Variants in LRIG1 observed in about 807,000 individuals in gnomAD.
LRIG1 encodes the protein leucine-rich repeats and immunoglobulin-like domains protein 1.
In LRIG1, 48 loss-of-function variants were observed where a neutral mutation model predicts 99.2. The observed-to-expected ratio is 0.48, with a 90% CI of 0.38 to 0.62. The LOEUF is 0.62. Ranked by LOEUF, LRIG1 falls within the 20% of genes least tolerant of loss-of-function variation. The probability of loss-of-function intolerance (pLI) is 0.00; values close to 1 mark genes in which losing one functional copy is unlikely to be tolerated. For missense variants in LRIG1, 1,646 were observed against 1,434.4 expected (o/e 1.15, Z -2.38); for synonymous variants, 772 against 596.1 (o/e 1.29, Z -4.30).
rs115581666 is a variant in LRIG1 at position 66,448,382 on chromosome 3, T to C, written c.365+3177A>G. ...GCCAACTTCCAGAGGCAAAAGTCCA[T>C]AATTATAGGTGTCCAAGCTGAAAAT... is the stretch of plus-strand genomic sequence containing the variant. On this transcript the variant is annotated intron_variant, in intron 3 of 18. Transcript: ENST00000273261. 3.2e-3 allele frequency among the ~76,000 whole-genome samples: 480 copies of C among 152,240 alleles called. 2 individuals carry two copies. The highest frequency in any genetic ancestry group is 0.01 in the African/African-American group (430 of 41,546).
In LRIG1 at chr3:66,414,999, G is replaced by A; in HGVS notation, c.568C>T (p.Leu190=). The A allele has an allele frequency of 6.2e-7, 1 of 1,613,264 alleles. No homozygotes were observed. The highest frequency in any genetic ancestry group is 1.3e-5 in the African/African-American group (1 of 75,018). Residue 190 remains leucine, a synonymous_variant, in exon 5 of 19, where the codon CTG becomes TTG. Transcript: ENST00000273261. ...LGAFDGLSRS[L]LTLRLSKNRI... is the part of the protein sequence containing the mutation. Reference sequence around the variant, plus strand: ...TTTTTGCTCAGGCGAAGAGTTAGCAGCGACCGTGACAGACCATCAAATGCT... The same window carrying A: ...TTTTTGCTCAGGCGAAGAGTTAGCAACGACCGTGACAGACCATCAAATGCT...
intron 1 of LRIG1, among the ~76,000 whole-genome samples, chr3:66,476,536 A>C (rs1278570842): frequency 6.6e-6 from 1 of 152,154 alleles, no homozygotes; most frequent in Non-Finnish European, 1.5e-5. Context: ...GTCTCTTCCT[A>C]TCTCTCAAAG....
chr3:66,433,676 A>G (rs1291032597), intron 3 of LRIG1, among the ~76,000 whole-genome samples: 2 of 152,268 alleles, frequency 1.3e-5, no homozygotes, highest in Non-Finnish European at 2.9e-5. Context: ...AGCCTTCAGC[A>G]TATGACCTGA....
At chr3:66,395,992 C>T (rs561144270) in intron 11 of LRIG1, among the ~76,000 whole-genome samples, 20 of 152,364 alleles carry the variant, frequency 1.3e-4, no homozygotes, top group African/African-American at 4.8e-4. Context: ...GGACATATTC[C>T]ATTTGAACCA....
In LRIG1 at chr3:66,380,697, G is replaced by GGTGAT; in HGVS notation, c.2930_2934dup (p.Gln979IlefsTer28). 2.5e-6 allele frequency: 4 copies of GGTGAT among 1,614,220 alleles called. No individual in the cohort carries two copies. Among genetic ancestry groups the GGTGAT allele is most frequent in the Non-Finnish European group, 3.4e-6 (4 of 1,180,052 alleles). ...GACCCAGCGGCAGTCCTGCTGCACT[G>GGTGAT]GTGATGTGGAGAATGCTCTTGGTCA... On this transcript the variant is annotated frameshift_variant, in exon 18 of 19. Transcript: ENST00000273261. LOFTEE classifies it high-confidence loss of function.
In LRIG1 at chr3:66,493,564, A is replaced by G. The variant is rs1701152847; in HGVS notation, c.218+6626T>C. On this transcript the variant is annotated intron_variant, in intron 1 of 18. Coordinates refer to ENST00000273261, the MANE Select transcript of LRIG1 (RefSeq NM_015541.3). ...CCAAAACTCACAGGAGAAGGCTGCCATCTTCCCATTCCAAAAGACTCCTTC... is the reference window on the plus strand; with the variant it reads ...CCAAAACTCACAGGAGAAGGCTGCCGTCTTCCCATTCCAAAAGACTCCTTC... Among the ~76,000 whole-genome samples, 3 of 152,184 alleles carry G rather than the reference A, an allele frequency of 2.0e-5. No individual in the cohort carries two copies. In the East Asian group the frequency reaches 5.8e-4, roughly 29 times the overall value.
chr3:66,471,391 A>T (rs942957302), intron 1 of LRIG1, among the ~76,000 whole-genome samples: 1 of 152,118 alleles, frequency 6.6e-6, no homozygotes, highest in African/African-American at 2.4e-5. Flanking sequence ...TCCTCACCCC[A>T]TCCAGTAACA....
intron 7 of LRIG1, among the ~76,000 whole-genome samples, chr3:66,408,407 T>C (rs1702351703): frequency 6.6e-6 from 1 of 152,120 alleles, no homozygotes; most frequent in Non-Finnish European, 1.5e-5. Flanking sequence ...TGGGAAGCAA[T>C]CCCAAATCTG....
chr3:66,435,274 G>A (rs183258679), intron 3 of LRIG1, among the ~76,000 whole-genome samples: 2 of 152,054 alleles, frequency 1.3e-5, no homozygotes, highest in Admixed American at 1.3e-4. Context: ...GTCAACCAGG[G>A]GGGGCTAGGC....
rs944204241 is a variant in LRIG1 at position 66,381,403 on chromosome 3, C to T, written c.2770+76G>A. On this transcript the variant is annotated intron_variant, in intron 17 of 18. Coordinates refer to ENST00000273261, the MANE Select transcript of LRIG1 (RefSeq NM_015541.3). The stretch of plus-strand genomic sequence containing the variant: ...GCTGTGGACTAGGAATGTGTCTCCC[C>T]CTTTGATGTAGTGACTAGGTCAGCC... 9 of 1,440,520 alleles carry T rather than the reference C, an allele frequency of 6.2e-6. No individual in the cohort carries two copies. The East Asian group carries it at 6.9e-5, about 11-fold the overall frequency. The allele number at this position is 1,440,520 out of a possible 1,614,324, so 89.2% of individuals were successfully genotyped here.
chr3:66,384,984 AAAG>A (rs2107934534), intron 13 of LRIG1, among the ~76,000 whole-genome samples: 1 of 152,336 alleles, frequency 6.6e-6, no homozygotes, highest in South Asian at 2.1e-4. Context: ...ACAGTGTGGT[AAAG>A]AAGGTGTTTC....
chr3:66,402,170 C>T (rs147064234), intron 9 of LRIG1, among the ~76,000 whole-genome samples: 5 of 152,272 alleles, frequency 3.3e-5, no homozygotes, highest in South Asian at 2.1e-4. Context: ...GGCAGGAAGT[C>T]GCATACCCAG....
intron 1 of LRIG1, among the ~76,000 whole-genome samples, chr3:66,498,756 G>GTT (rs1401907301): frequency 6.6e-6 from 1 of 152,128 alleles, no homozygotes; most frequent in Non-Finnish European, 1.5e-5. Context: ...AAACCTAACT[G>GTT]TAACTAAAGG....
chr3:66,449,934 G>A (rs1328715939), intron 3 of LRIG1, among the ~76,000 whole-genome samples: 1 of 152,166 alleles, frequency 6.6e-6, no homozygotes, highest in Non-Finnish European at 1.5e-5. Flanking sequence ...CTGAGGTTCT[G>A]CATTTCTAAC....
At chr3:66,492,217 T>C (rs1482204453) in intron 1 of LRIG1, among the ~76,000 whole-genome samples, 2 of 152,240 alleles carry the variant, frequency 1.3e-5, no homozygotes, top group Non-Finnish European at 2.9e-5. Context: ...AAGTGTTCAA[T>C]CCTTCTCATT....
At chr3:66,407,560 T>C (rs973407367) in intron 7 of LRIG1, 69 bp from the exon 8 acceptor site, 19 of 1,577,552 alleles carry the variant, frequency 1.2e-5, no homozygotes, top group South Asian at 4.5e-5. Context: ...CCACCGGAAA[T>C]TGGGCCACAG....
intron 18 of LRIG1, 25 bp from the exon 19 acceptor site, chr3:66,380,514 A>C: frequency 6.2e-7 from 1 of 1,614,088 alleles, no homozygotes; most frequent in Non-Finnish European, 8.5e-7. Flanking sequence ...CGAACCTGTC[A>C]GACCCCCACT....
intron 1 of LRIG1, chr3:66,469,171 T>G (rs929348296): frequency 6.6e-6 from 1 of 152,190 alleles, no homozygotes; most frequent in Non-Finnish European, 1.5e-5. Context: ...CTCTCTTCAG[T>G]AAGCTAAGCA....
intron 1 of LRIG1, among the ~76,000 whole-genome samples, chr3:66,475,792 C>T (rs748293496): frequency 6.6e-6 from 1 of 152,186 alleles, no homozygotes. Context: ...GAGAAAAGAT[C>T]GTTTATTCCT....
Sources: gnomAD v4.1 joint callset for allele counts (sites outside exome capture counted in the v4.1 genomes callset) on GRCh38, gnomAD v4.1.1 for gene constraint, MANE v1.5 for transcripts, NCBI Gene and HGNC (gene_info 2026-07-23, HGNC 2026-07-21) for gene names.